DYNC1I1: variants seen among roughly 807,000 people sequenced by gnomAD.
The protein encoded by DYNC1I1 is cytoplasmic dynein 1 intermediate chain 1.
A neutral mutation model predicts 86.6 loss-of-function variants in DYNC1I1; 43 were observed. The ratio of observed to expected loss-of-function variants is 0.50; its 90% CI spans 0.39 to 0.64. The LOEUF (loss-of-function observed/expected upper bound fraction) is 0.64, where lower values mean the gene tolerates loss of function less well. Ranked by LOEUF, DYNC1I1 falls within the 30% of genes least tolerant of loss-of-function variation. The probability of loss-of-function intolerance (pLI) is 0.00; values close to 1 mark genes in which losing one functional copy is unlikely to be tolerated. For synonymous variants in DYNC1I1, 262 were observed against 283.7 expected (o/e 0.92, Z 0.77); for missense variants, 604 against 788.8 (o/e 0.77, Z 2.81).
chr7:96,040,920 G>A (rs571577064), intron 14 of DYNC1I1, among the ~76,000 whole-genome samples: 55 of 151,718 alleles, frequency 3.6e-4, no homozygotes, highest in African/African-American at 1.3e-3. Flanking sequence ...ATGGGGTTTC[G>A]CATGTTGGCC....
chr7:95,858,704 A>C (rs1368642016), intron 5 of DYNC1I1, among the ~76,000 whole-genome samples: 2 of 151,748 alleles, frequency 1.3e-5, no homozygotes, highest in South Asian at 2.1e-4. Flanking sequence ...ACCATCATAC[A>C]TATGATGCAT....
intron 6 of DYNC1I1, among the ~76,000 whole-genome samples, chr7:95,910,005 G>A (rs1183980962): frequency 1.3e-5 from 2 of 152,206 alleles, no homozygotes; most frequent in Non-Finnish European, 2.9e-5. Flanking sequence ...ACTGGCTGCA[G>A]AGCTGGCCCC....
chr7:96,007,267 A>G (rs888964735), intron 10 of DYNC1I1, among the ~76,000 whole-genome samples: 5 of 152,194 alleles, frequency 3.3e-5, no homozygotes, highest in African/African-American at 1.2e-4. Flanking sequence ...AACTAAATGT[A>G]AAATATTTTT....
At chr7:96,080,621 A>G in intron 16 of DYNC1I1, 133 bp downstream of exon 16, 1 of 1,483,224 alleles carries the variant, frequency 6.7e-7, no homozygotes, top group Non-Finnish European at 9.3e-7. Flanking sequence ...CATTGACTTC[A>G]ATGCTAGTTT....
At chr7:95,799,515 G>T (rs1009395704) in intron 1 of DYNC1I1, among the ~76,000 whole-genome samples, 1 of 152,184 alleles carries the variant, frequency 6.6e-6, no homozygotes, top group Non-Finnish European at 1.5e-5. Flanking sequence ...GGGGAAGTGG[G>T]TAAGGTGCAG....
At chr7:96,066,509 G>C (rs1050670499) in intron 14 of DYNC1I1, among the ~76,000 whole-genome samples, 5 of 152,202 alleles carry the variant, frequency 3.3e-5, no homozygotes, top group Non-Finnish European at 5.9e-5. Flanking sequence ...GTTTTTCCCA[G>C]AATTGTGTCT....
At chr7:95,846,627 C>CTGTGTGTGTG (rs1236489557) in intron 5 of DYNC1I1, among the ~76,000 whole-genome samples, 1,576 of 136,496 alleles carry the variant, frequency 0.012, 15 homozygotes, top group Non-Finnish European at 0.017. Context: ...ATCTCTCTCT[C>CTGTGTGTGTG]TGTGTGTGTG....
chr7:95,810,845 C>T (rs904541356), intron 3 of DYNC1I1, among the ~76,000 whole-genome samples: 3 of 152,072 alleles, frequency 2.0e-5, no homozygotes, highest in African/African-American at 7.2e-5. Flanking sequence ...AATTGTTCCT[C>T]ATTTTCATTG....
At chr7:95,965,529 G>A (rs143805445) in intron 6 of DYNC1I1, among the ~76,000 whole-genome samples, 103 of 152,258 alleles carry the variant, frequency 6.8e-4, no homozygotes, top group African/African-American at 2.3e-3. Context: ...CATTATCCAA[G>A]GAGAGTAATT....
intron 10 of DYNC1I1, among the ~76,000 whole-genome samples, chr7:95,996,345 T>G (rs1474677395): frequency 6.6e-6 from 1 of 152,216 alleles, no homozygotes; most frequent in African/African-American, 2.4e-5. Context: ...CTCGCACTTA[T>G]GAAGAAATCG....
intron 6 of DYNC1I1, among the ~76,000 whole-genome samples, chr7:95,947,880 A>G (rs1792445571): frequency 6.6e-6 from 1 of 152,052 alleles, no homozygotes; most frequent in Non-Finnish European, 1.5e-5. Context: ...AGAAAAGGCC[A>G]CTAAGTATTT....
chr7:95,950,063 T>A (rs191317383), intron 6 of DYNC1I1, among the ~76,000 whole-genome samples: 1 of 152,314 alleles, frequency 6.6e-6, no homozygotes, highest in African/African-American at 2.4e-5. Flanking sequence ...TCACTTTGAA[T>A]TCTTTCCTTT....
chr7:95,920,558 G>A (rs542959956), intron 6 of DYNC1I1, among the ~76,000 whole-genome samples: 3 of 152,340 alleles, frequency 2.0e-5, no homozygotes, highest in South Asian at 4.1e-4. Flanking sequence ...GGAAAACTGG[G>A]TGAGGGGTCC....
At chr7:96,041,016 C>T (rs537298879) in intron 14 of DYNC1I1, among the ~76,000 whole-genome samples, 14 of 152,264 alleles carry the variant, frequency 9.2e-5, no homozygotes, top group African/African-American at 3.4e-4. Flanking sequence ...GCCACCACAC[C>T]TGGCCCAGCA....
intron 6 of DYNC1I1, among the ~76,000 whole-genome samples, chr7:95,883,779 A>C (rs1190194072): frequency 6.6e-6 from 1 of 152,216 alleles, no homozygotes; most frequent in Non-Finnish European, 1.5e-5. Context: ...AGTATGAAAA[A>C]AGACCACTGT....
chr7:95,822,475 A>G (rs1795097249), intron 4 of DYNC1I1, among the ~76,000 whole-genome samples: 1 of 152,202 alleles, frequency 6.6e-6, no homozygotes, highest in Non-Finnish European at 1.5e-5. Context: ...TCAAGGTTAA[A>G]TAAGTGAGTA....
At chr7:95,827,180 G>T (rs1795219495) in intron 4 of DYNC1I1, among the ~76,000 whole-genome samples, 1 of 152,180 alleles carries the variant, frequency 6.6e-6, no homozygotes, top group African/African-American at 2.4e-5. Context: ...CAGCTGGTAA[G>T]TCACAGAGGT....
intron 6 of DYNC1I1, among the ~76,000 whole-genome samples, chr7:95,926,011 C>G (rs1410516075): frequency 6.6e-6 from 1 of 152,108 alleles, no homozygotes; most frequent in African/African-American, 2.4e-5. Context: ...ATTTAGTTGT[C>G]AAATATAATG....
At position 96,076,113 on chromosome 7, in the gene DYNC1I1, G is replaced by C; in HGVS notation, c.1566G>C (p.Met522Ile). Residue 522 changes from methionine to isoleucine, a missense_variant, in exon 15 of 17, where the codon ATG becomes ATC. By Grantham distance (10) the Met-to-Ile change is conservative (BLOSUM62 1). Coordinates refer to ENST00000447467, the MANE Select transcript of DYNC1I1 (RefSeq NM_001135556.2). ...ATGCAGACTATGTGTACGATGTCAT[G>C]TGGTCCCCCGTGCATCCTGCGCTTT... ...EDNADYVYDV[M>I]WSPVHPALFA... is the part of the protein sequence containing the mutation. The C allele has an allele frequency of 6.2e-7, 1 of 1,614,212 alleles. No individual in the cohort carries two copies. The highest frequency in any genetic ancestry group is 1.1e-5 in the South Asian group (1 of 91,082).
Sources: allele counts gnomAD v4.1 joint callset (sites outside exome capture counted in the v4.1 genomes callset), GRCh38; gene constraint gnomAD v4.1.1; transcripts MANE v1.5; gene names NCBI Gene and HGNC (gene_info 2026-07-23, HGNC 2026-07-21).